The following MED13L variants were observed in gnomAD, a reference collection of about 807,000 sequenced individuals.
MED13L encodes mediator of RNA polymerase II transcription subunit 13-like.
A neutral mutation model predicts 220.9 loss-of-function variants in MED13L; 7 were observed. The ratio of observed to expected loss-of-function variants is 0.03; its 90% CI spans 0.02 to 0.06. The LOEUF (loss-of-function observed/expected upper bound fraction) is 0.06, where lower values mean the gene tolerates loss of function less well. MED13L is among the 10% of genes least tolerant of loss of function. The pLI, the probability that MED13L is intolerant of heterozygous loss-of-function variation, is 1.00. For synonymous variants in MED13L, 1,011 were observed against 1,015.2 expected, an observed-to-expected ratio of 1.00 and a Z score of 0.08; for missense variants, 1,965 against 2,760.5, an observed-to-expected ratio of 0.71 and a Z score of 6.46.
At chr12:116,255,981 C>G (rs769931694) in intron 1 of MED13L, among the ~76,000 whole-genome samples, 1 of 152,152 alleles carries the variant, frequency 6.6e-6, no homozygotes, top group African/African-American at 2.4e-5. Flanking sequence ...ATCCAAAACA[C>G]TTGTGGTTCC....
intron 4 of MED13L, among the ~76,000 whole-genome samples, chr12:116,038,586 T>C (rs1279755998): frequency 2.6e-5 from 4 of 151,770 alleles, no homozygotes; most frequent in East Asian, 1.9e-4. Flanking sequence ...GAAAGAAACA[T>C]AGGGACAGAC....
At chr12:115,972,636 T>G (rs1592901684) in intron 25 of MED13L, among the ~76,000 whole-genome samples, 1 of 152,188 alleles carries the variant, frequency 6.6e-6, no homozygotes, top group African/African-American at 2.4e-5. Flanking sequence ...CACTGGCAGG[T>G]GGAGGTAAAC....
chr12:116,047,759 C>T (rs1881925737), intron 4 of MED13L, among the ~76,000 whole-genome samples: 1 of 152,184 alleles, frequency 6.6e-6, no homozygotes, highest in African/African-American at 2.4e-5. Context: ...AATCCCAGTC[C>T]TCACTCACTA....
At chr12:116,165,628 C>A (rs1310673685) in intron 2 of MED13L, among the ~76,000 whole-genome samples, 1 of 151,924 alleles carries the variant, frequency 6.6e-6, no homozygotes, top group East Asian at 1.9e-4. Flanking sequence ...CCGCACCTGG[C>A]CTGCCTATGT....
chr12:116,031,795 G>GGAAGGAAGGAAA (rs1880857332), intron 4 of MED13L, among the ~76,000 whole-genome samples: 1 of 147,804 alleles, frequency 6.8e-6, no homozygotes, highest in East Asian at 2.0e-4. Context: ...AAGGAAGGAA[G>GGAAGGAAGGAAA]GAAGGAAAGA....
At position 115,996,822 on chromosome 12, in the gene MED13L, T is replaced by C. The variant is rs555624440; in HGVS notation, c.2791-141A>G. 1.2e-5 allele frequency: 12 copies of C among 1,038,932 alleles called. No homozygotes were observed. The South Asian group carries it at 1.2e-4, about 10-fold the overall frequency. 64.4% of individuals were successfully genotyped at this position (1,038,932 alleles called of 1,614,324 possible). On this transcript the variant is annotated intron_variant, in intron 15 of 30. Transcript: ENST00000281928. Reference sequence around the variant, plus strand: ...TCCTATGATCATTAGAAAATGCTAATGCAGAAATGTTAAATCAATCAAAAG... The same window carrying C: ...TCCTATGATCATTAGAAAATGCTAACGCAGAAATGTTAAATCAATCAAAAG...
At chr12:116,235,952 A>G (rs1870039057) in intron 2 of MED13L, among the ~76,000 whole-genome samples, 2 of 152,194 alleles carry the variant, frequency 1.3e-5, no homozygotes, top group Admixed American at 1.3e-4. Context: ...AACAATCATG[A>G]AAGATAAGAA....
intron 2 of MED13L, among the ~76,000 whole-genome samples, chr12:116,135,987 T>C (rs1020979853): frequency 6.7e-6 from 1 of 148,962 alleles, no homozygotes; most frequent in Non-Finnish European, 1.5e-5. Context: ...CACTGCAACC[T>C]CCGCCTCCTG....
rs1243833904 is a variant in MED13L at position 116,143,964 on chromosome 12, T to G, written c.311-32452A>C. Among the ~76,000 whole-genome samples, 3 of 152,300 alleles carry G rather than the reference T, an allele frequency of 2.0e-5. No individual in the cohort carries two copies. In the East Asian group the frequency reaches 5.8e-4, roughly 29 times the overall value. ...TGGTTCACCTCCTTTAAATCCCCAA[T>G]TATTTCACCAATACTACAGAACTTA... On this transcript the variant is annotated intron_variant, in intron 2 of 30. Transcript: ENST00000281928.
At chr12:116,140,949 TG>T (rs1877017251) in intron 2 of MED13L, among the ~76,000 whole-genome samples, 1 of 152,230 alleles carries the variant, frequency 6.6e-6, no homozygotes, top group South Asian at 2.1e-4. Context: ...CTATGTCTGT[TG>T]TGCTGTTTGT....
At position 115,965,979 on chromosome 12, in the gene MED13L, C is replaced by A. The variant is rs1389599141; in HGVS notation, c.6387+103G>T. On this transcript the variant is annotated intron_variant, in intron 29 of 30. Transcript: ENST00000281928. ...AAGTAGATACAAGAGAAAAAAGGAA[C>A]AGAATAAGATTATGGTGACTAAAAC... The A allele has an allele frequency of 5.6e-4, 780 of 1,383,100 alleles. 6 individuals carry two copies. In the African/African-American group the frequency reaches 0.01, roughly 18 times the overall value. 85.7% of individuals were successfully genotyped at this position (1,383,100 alleles called of 1,614,324 possible).
intron 2 of MED13L, among the ~76,000 whole-genome samples, chr12:116,126,988 G>C (rs983570072): frequency 6.6e-6 from 1 of 152,016 alleles, no homozygotes; most frequent in Admixed American, 6.6e-5. Context: ...TTTTTCATAG[G>C]TTAAAAAATA....
At chr12:116,007,861 C>T (rs1879153158) in intron 10 of MED13L, 1 of 540,046 alleles carries the variant, frequency 1.9e-6, no homozygotes, top group African/African-American at 1.9e-5. Flanking sequence ...GGACAGACTG[C>T]CTAGTTTCAA....
chr12:116,149,849 G>A (rs527635323), intron 2 of MED13L, among the ~76,000 whole-genome samples: 1 of 152,148 alleles, frequency 6.6e-6, no homozygotes, highest in African/African-American at 2.4e-5. Flanking sequence ...CAGCTTAGCT[G>A]GCAATAAAAA....
At chr12:116,131,001 T>A (rs1030036658) in intron 2 of MED13L, among the ~76,000 whole-genome samples, 1 of 152,226 alleles carries the variant, frequency 6.6e-6, no homozygotes, top group Admixed American at 6.5e-5. Flanking sequence ...TAAAGTTTTA[T>A]AAGCAGGTTA....
chr12:115,995,621 G>A (rs1353073326), intron 16 of MED13L, among the ~76,000 whole-genome samples: 7 of 152,122 alleles, frequency 4.6e-5, no homozygotes, highest in Non-Finnish European at 7.4e-5. Context: ...ACAGGGTTTC[G>A]CCATTTGCCC....
intron 2 of MED13L, among the ~76,000 whole-genome samples, chr12:116,234,208 G>T (rs190404649): frequency 6.7e-6 from 1 of 149,024 alleles, no homozygotes; most frequent in Admixed American, 6.8e-5. Flanking sequence ...CAGCTAACAG[G>T]ATTCTGCTAT....
chr12:116,269,287 G>C (rs1360918438), intron 1 of MED13L, among the ~76,000 whole-genome samples: 1 of 151,932 alleles, frequency 6.6e-6, no homozygotes, highest in African/African-American at 2.4e-5. Context: ...TCAATCTCCT[G>C]ACCTCATGAT....
At chr12:116,173,861 G>A (rs538491161) in intron 2 of MED13L, among the ~76,000 whole-genome samples, 4 of 152,170 alleles carry the variant, frequency 2.6e-5, no homozygotes, top group Admixed American at 1.3e-4. Flanking sequence ...AGCTTTGGGA[G>A]GCCAAGGCGA....
Sources: gnomAD v4.1 joint callset for allele counts (sites outside exome capture counted in the v4.1 genomes callset) on GRCh38, gnomAD v4.1.1 for gene constraint, MANE v1.5 for transcripts, NCBI Gene and HGNC (gene_info 2026-07-23, HGNC 2026-07-21) for gene names.